The following ZNF135 variants were observed in gnomAD, a reference collection of about 807,000 sequenced individuals.
The protein encoded by ZNF135 is zinc finger protein 135 (clone pHZ-17).
Under a neutral mutation model 12.3 loss-of-function variants are expected in ZNF135, and 11 were observed. The ratio of observed to expected loss-of-function variants is 0.89; its 90% CI spans 0.56 to 1.48. The LOEUF is 1.48. Ranked by LOEUF, ZNF135 falls within the 40% of genes most tolerant of loss-of-function variation. The pLI is 0.00. For synonymous variants in ZNF135, 316 were observed against 312.0 expected (o/e 1.01, Z -0.14); for missense variants, 722 against 815.7 (o/e 0.89, Z 1.40).
rs1333431818 is a variant in ZNF135 at position 58,063,482 on chromosome 19, T to C, written c.197T>C (p.Leu66Pro). 3 of 1,614,150 alleles carry C rather than the reference T, an allele frequency of 1.9e-6. No homozygotes were observed. The highest frequency in any genetic ancestry group is 2.5e-6 in the Non-Finnish European group (3 of 1,180,008). The change falls in exon 4 of 5, where the codon CTG (leucine) becomes CCG (proline). Residue 66 changes from leucine to proline, a missense_variant. Transcript: ENST00000313434. This position sits in a 1 kb window ranked among gnomAD's most constrained non-coding sequence, Gnocchi z 4.4. ...CCGAAGCCGAATGTCATCTCCCTGCTGGAGCAAGAGGCAGAGCTGTGGGCG... is the reference window on the plus strand; with the variant it reads ...CCGAAGCCGAATGTCATCTCCCTGCCGGAGCAAGAGGCAGAGCTGTGGGCG... The part of the protein sequence containing the change: ...WLPKPNVISL[L>P]EQEAELWAVE...
intron 3 of ZNF135, among the ~76,000 whole-genome samples, chr19:58,062,238 C>A (rs2073993586): frequency 6.6e-6 from 1 of 152,188 alleles, no homozygotes; most frequent in Non-Finnish European, 1.5e-5. Context: ...TTATCTCAAG[C>A]TTCTTTTATA....
Position 58,067,018 on chromosome 19 carries a change from A to C in ZNF135, c.534A>C (p.Gln178His). ...NISLNPDLPHQPMTPERQSPH... is the reference protein window; with the variant it reads ...NISLNPDLPHHPMTPERQSPH... ...GTCTGAACCCTGATCTCCCACATCA[A>C]CCAATGACTCCTGAAAGACAAAGCC... Residue 178 changes from glutamine (Q) to histidine (H), a missense_variant, in exon 5 of 5, where the codon CAA (glutamine) becomes CAC (histidine). Coordinates refer to ENST00000313434, the MANE Select transcript of ZNF135 (RefSeq NM_001289401.2). The C allele has an allele frequency of 1.9e-6, 3 of 1,614,208 alleles. No individual in the cohort carries two copies. Among genetic ancestry groups the C allele is most frequent in the Non-Finnish European group, 2.5e-6 (3 of 1,180,038 alleles).
Position 58,059,844 on chromosome 19 carries a change from A to T in ZNF135, c.-34-125A>T, listed in dbSNP as rs2073937359. 1.7e-6 allele frequency: 2 copies of T among 1,186,164 alleles called. No homozygotes were observed. The highest frequency in any genetic ancestry group is 1.5e-5 in the African/African-American group (1 of 65,112). 73.5% of individuals were successfully genotyped at this position (1,186,164 alleles called of 1,614,324 possible). A position where few individuals can be genotyped will look rare whatever the true frequency, so the allele number is the denominator to read the frequency against. On this transcript the variant is annotated intron_variant, in intron 1 of 4. Transcript: ENST00000313434. This position sits in a 1 kb window ranked among gnomAD's most constrained non-coding sequence, Gnocchi z 6.5. ...GCCGCCCCACACACAGCAGGCGCTT[A>T]AACGGGTACGCGGGGCCCTGGACGG...
At position 58,068,673 on chromosome 19, in the gene ZNF135, G is replaced by A. The variant is rs1599935160; in HGVS notation, c.*212G>A. ...GGTCATCCATCTCTGCATCCAAATAGTAGGGAAACGTGGAGATAATCAACA... is the reference window on the plus strand; with the variant it reads ...GGTCATCCATCTCTGCATCCAAATAATAGGGAAACGTGGAGATAATCAACA... On this transcript the variant is annotated 3_prime_UTR_variant, in exon 5 of 5. Transcript: ENST00000313434. 12 of 567,814 alleles carry A rather than the reference G, an allele frequency of 2.1e-5. No individual in the cohort carries two copies. Among genetic ancestry groups the A allele is most frequent in the Middle Eastern group, 4.6e-4 (1 of 2,156 alleles). The allele number at this position is 567,814 out of a possible 1,614,324, so 35.2% of individuals were successfully genotyped here.
At chr19:58,061,967 A>G (rs184185445) in intron 3 of ZNF135, among the ~76,000 whole-genome samples, 1 of 152,342 alleles carries the variant, frequency 6.6e-6, no homozygotes, top group Admixed American at 6.5e-5. Context: ...ACAGAATCCC[A>G]GGGTAGACCA....
rs190281386 is a variant in ZNF135, at chr19:58,067,797, A to G, written c.1313A>G (p.Tyr438Cys). The G allele has an allele frequency of 3.8e-5, 61 of 1,614,064 alleles. No individual in the cohort carries two copies. Among genetic ancestry groups the G allele is most frequent in the Non-Finnish European group, 4.2e-5 (49 of 1,180,016 alleles). Residue 438 changes from tyrosine to cysteine, a missense_variant, in exon 5 of 5, where the codon TAT (tyrosine) becomes TGT (cysteine). Coordinates refer to ENST00000313434, the MANE Select transcript of ZNF135 (RefSeq NM_001289401.2). ...AGGATTCACACAGGAGAGAAGCCCTATGGATGCAACGAGTGTGGGAAAACC... is the reference window on the plus strand; with the variant it reads ...AGGATTCACACAGGAGAGAAGCCCTGTGGATGCAACGAGTGTGGGAAAACC... Reference protein sequence around the residue: ...HRRIHTGEKPYGCNECGKTFS... With the variant: ...HRRIHTGEKPCGCNECGKTFS...
At position 58,063,862 on chromosome 19, in the gene ZNF135, A is replaced by G. The variant is rs2074024021; in HGVS notation, c.256+321A>G. 3.1e-6 allele frequency: 1 copy of G among 321,604 alleles called. No individual in the cohort carries two copies. The highest frequency in any genetic ancestry group is 1.2e-4 in the South Asian group (1 of 8,188). The allele number at this position is 321,604 out of a possible 1,614,324, so 19.9% of individuals were successfully genotyped here. On this transcript the variant is annotated intron_variant, in intron 4 of 4. Transcript: ENST00000313434. This position sits in a 1 kb window ranked among gnomAD's most constrained non-coding sequence, Gnocchi z 4.4. Reference sequence around the variant, plus strand: ...GGTAGACTAGGAGGGGGATGAGTAGACTTTAGCAGAGAGATGAGGGATAGC... The same window carrying G: ...GGTAGACTAGGAGGGGGATGAGTAGGCTTTAGCAGAGAGATGAGGGATAGC...
chr19:58,065,682 G>A lies in ZNF135; in HGVS notation c.257-1059G>A, dbSNP rs572031988. Among the ~76,000 whole-genome samples, 1 of 152,234 alleles carries A rather than the reference G, an allele frequency of 6.6e-6. No homozygotes were observed. The highest frequency in any genetic ancestry group is 2.1e-4 in the South Asian group (1 of 4,822). On this transcript the variant is annotated intron_variant, in intron 4 of 4. Transcript: ENST00000313434. The surrounding 1 kb of genome is among the most constrained non-coding windows in gnomAD (Gnocchi z 4.0). ...TACACAGGTCCACCCAGATAATCCA[G>A]TGTAATTTCTCTATCTTAATGTTAG...
chr19:58,062,924 A>G (rs987052285), intron 3 of ZNF135, among the ~76,000 whole-genome samples: 1 of 151,298 alleles, frequency 6.6e-6, no homozygotes, highest in Non-Finnish European at 1.5e-5. Context: ...CTTCTAGGCT[A>G]AAGTGATCCT....
rs61732967 is a variant in ZNF135, at chr19:58,068,246, A to G, written c.1762A>G (p.Ser588Gly). 1.6e-3 allele frequency: 2,567 copies of G among 1,614,122 alleles called. 26 individuals are homozygous for G. The African/African-American group carries it at 0.029, about 18-fold the overall frequency. Reference protein sequence around the residue: ...YGCNECGKSFSHSSSLSQHER... With the variant: ...YGCNECGKSFGHSSSLSQHER... ...GTGCAATGAGTGTGGGAAATCCTTC[A>G]GCCACAGCTCCTCGCTCAGCCAGCA... The change falls in exon 5 of 5, where the codon AGC becomes GGC. Residue 588 changes from serine (S) to glycine (G), a missense_variant. Coordinates refer to ENST00000313434, the MANE Select transcript of ZNF135 (RefSeq NM_001289401.2).
rs1599917683 is a variant in ZNF135, at chr19:58,059,701, T to G, written c.-34-268T>G. 1.9e-6 allele frequency: 1 copy of G among 532,542 alleles called. No individual in the cohort carries two copies. The highest frequency in any genetic ancestry group is 3.3e-6 in the Non-Finnish European group (1 of 303,968). The allele number at this position is 532,542 out of a possible 1,614,324, so 33.0% of individuals were successfully genotyped here. ...CAGGGGACCGCAACCACCCGGCCCT[T>G]GTCACTGTAGCGTTAAGGCTCAGAG... On this transcript the variant is annotated intron_variant, in intron 1 of 4. Coordinates refer to ENST00000313434, the MANE Select transcript of ZNF135 (RefSeq NM_001289401.2). The surrounding 1 kb of genome is among the most constrained non-coding windows in gnomAD (Gnocchi z 6.5).
Position 58,065,366 on chromosome 19 carries a change from T to C in ZNF135, c.257-1375T>C, listed in dbSNP as rs2074047283. 6.6e-6 allele frequency among the ~76,000 whole-genome samples: 1 copy of C among 152,164 alleles called. No individual in the cohort carries two copies. Among genetic ancestry groups the C allele is most frequent in the South Asian group, 2.1e-4 (1 of 4,828 alleles). ...GTGTCACCATGCCCAGCTAATTTTT[T>C]TTTATTTTTTGTAGAAACAAGGTCT... On this transcript the variant is annotated intron_variant, in intron 4 of 4. Transcript: ENST00000313434. This position sits in a 1 kb window ranked among gnomAD's most constrained non-coding sequence, Gnocchi z 4.0.
In ZNF135 at chr19:58,060,095, G is replaced by A. The variant is rs186076504; in HGVS notation, c.33+60G>A. 6.2e-7 allele frequency: 1 copy of A among 1,604,866 alleles called. No individual in the cohort carries two copies. The highest frequency in any genetic ancestry group is 1.1e-5 in the South Asian group (1 of 90,784). On this transcript the variant is annotated intron_variant, in intron 2 of 4. Coordinates refer to ENST00000313434, the MANE Select transcript of ZNF135 (RefSeq NM_001289401.2). This position sits in a 1 kb window ranked among gnomAD's most constrained non-coding sequence, Gnocchi z 4.9. ...CCTCGTGCCCGGCCTCCTCGCGCGC[G>A]GCCTTCTCACGCCCGGCCTCCTCTT...
chr19:58,067,869 G>A lies in ZNF135; in HGVS notation c.1385G>A (p.Gly462Glu). ...SLSQHERTHT[G>E]EKPYECSQCG... ...AGCCAGCATGAGCGGACACACACAG[G>A]AGAGAAGCCCTATGAGTGCAGTCAG... Residue 462 changes from glycine (G) to glutamate (E), a missense_variant, in exon 5 of 5, where the codon GGA (glycine) becomes GAA (glutamate). Physicochemically the swap from Gly to Glu is moderately conservative, Grantham distance 98 (BLOSUM62 -2). Transcript: ENST00000313434. 6.2e-7 allele frequency: 1 copy of A among 1,613,070 alleles called. No individual in the cohort carries two copies. The highest frequency in any genetic ancestry group is 8.5e-7 in the Non-Finnish European group (1 of 1,179,832).
rs771556929 is a variant in ZNF135 at position 58,067,229 on chromosome 19, A to G, written c.745A>G (p.Lys249Glu). The G allele has an allele frequency of 4.1e-5, 66 of 1,614,084 alleles. No homozygotes were observed. Among genetic ancestry groups the G allele is most frequent in the Non-Finnish European group, 5.4e-5 (64 of 1,180,010 alleles). Residue 249 changes from lysine to glutamate, a missense_variant, in exon 5 of 5, where the codon AAA (lysine) becomes GAA (glutamate). By Grantham distance (56) the Lys-to-Glu change is moderately conservative. Coordinates refer to ENST00000313434, the MANE Select transcript of ZNF135 (RefSeq NM_001289401.2). ...ERPYECHECLKGFRNSSALTK... is the reference protein window; with the variant it reads ...ERPYECHECLEGFRNSSALTK... ...ACCTTACGAATGTCACGAATGCTTA[A>G]AAGGCTTCCGGAACAGCTCGGCACT...
At chr19:58,064,302 C>T (rs899310378) in intron 4 of ZNF135, among the ~76,000 whole-genome samples, 2 of 152,142 alleles carry the variant, frequency 1.3e-5, no homozygotes, top group Non-Finnish European at 2.9e-5. Flanking sequence ...TATTGCTCCT[C>T]CTGCAACCAG....
chr19:58,068,451 A>C lies in ZNF135; in HGVS notation c.1967A>C (p.His656Pro). 6.2e-7 allele frequency: 1 copy of C among 1,613,842 alleles called. No individual in the cohort carries two copies. Among genetic ancestry groups the C allele is most frequent in the Non-Finnish European group, 8.5e-7 (1 of 1,179,860 alleles). ...SSSLTKHQRT[H>P]TG ...TCCCTTACCAAGCACCAGAGAACTCACACTGGATAAACCCACTCCACATGT... is the reference window on the plus strand; with the variant it reads ...TCCCTTACCAAGCACCAGAGAACTCCCACTGGATAAACCCACTCCACATGT... Residue 656 changes from histidine (H) to proline (P), a missense_variant, in exon 5 of 5, where the codon CAC (histidine) becomes CCC (proline). Physicochemically the swap from His to Pro is moderately conservative, Grantham distance 77. Coordinates refer to ENST00000313434, the MANE Select transcript of ZNF135 (RefSeq NM_001289401.2).
rs890793241 is a variant in ZNF135 at position 58,059,742 on chromosome 19, T to C, written c.-34-227T>C. The C allele has an allele frequency of 3.7e-5, 22 of 593,770 alleles. No homozygotes were observed. Among genetic ancestry groups the C allele is most frequent in the Non-Finnish European group, 5.9e-5 (20 of 340,436 alleles). The allele number at this position is 593,770 out of a possible 1,614,324, so 36.8% of individuals were successfully genotyped here. ...AGGCTCAGAGTCTGCGCAGCAGATA[T>C]GTGTCCGCACCCGCCAGGCCTTCAG... On this transcript the variant is annotated intron_variant, in intron 1 of 4. Transcript: ENST00000313434. This position sits in a 1 kb window ranked among gnomAD's most constrained non-coding sequence, Gnocchi z 6.5.
rs2073967800 is a variant in ZNF135 at position 58,060,945 on chromosome 19, T to G, written c.34-635T>G. On this transcript the variant is annotated intron_variant, in intron 2 of 4. Coordinates refer to ENST00000313434, the MANE Select transcript of ZNF135 (RefSeq NM_001289401.2). This position sits in a 1 kb window ranked among gnomAD's most constrained non-coding sequence, Gnocchi z 4.9. ...ATCGAGACCATCCTGGCGAACACGG[T>G]GAAACCCCGTCTCTACTAAAAATAC... Among the ~76,000 whole-genome samples the G allele has an allele frequency of 6.6e-6, 1 of 151,944 alleles. No homozygotes were observed. The highest frequency in any genetic ancestry group is 2.1e-4 in the South Asian group (1 of 4,816).
Sources: gnomAD v4.1 joint callset for allele counts (sites outside exome capture counted in the v4.1 genomes callset) on GRCh38, gnomAD v4.1.1 for gene constraint, Gnocchi (gnomAD v3.1) non-coding constraint, MANE v1.5 for transcripts, NCBI Gene and HGNC (gene_info 2026-07-23, HGNC 2026-07-21) for gene names.